Variants in PPP1R12B observed in about 807,000 individuals in gnomAD.
PPP1R12B encodes the protein myosin phosphatase target subunit 2.
A neutral mutation model predicts 126.1 loss-of-function variants in PPP1R12B; 76 were observed. That is an observed-to-expected ratio of 0.60 (90% CI 0.50 to 0.73). The LOEUF (loss-of-function observed/expected upper bound fraction) is 0.73, where lower values mean the gene tolerates loss of function less well. PPP1R12B is among the 30% of genes least tolerant of loss of function. PPP1R12B has a pLI of 0.00. For synonymous variants in PPP1R12B, 356 were observed against 434.7 expected (o/e 0.82, Z 2.25); for missense variants, 1,052 against 1,205.1 (o/e 0.87, Z 1.88).
chr1:202,422,978 C>A (rs1669005107), intron 3 of PPP1R12B, among the ~76,000 whole-genome samples: 1 of 152,100 alleles, frequency 6.6e-6, no homozygotes, highest in Non-Finnish European at 1.5e-5. Context: ...AGGTTGCATA[C>A]CCATCATACA....
chr1:202,465,847 T>G (rs1212275684), intron 13 of PPP1R12B, among the ~76,000 whole-genome samples: 2 of 152,212 alleles, frequency 1.3e-5, no homozygotes, highest in Non-Finnish European at 2.9e-5. Context: ...CTTGCGCACT[T>G]GTGCTGAAAA....
chr1:202,550,565 G>GT (rs935558320), intron 18 of PPP1R12B, among the ~76,000 whole-genome samples: 9 of 151,620 alleles, frequency 5.9e-5, no homozygotes, highest in Non-Finnish European at 7.4e-5. Context: ...TTGAGGCTGT[G>GT]TTTTTTTTTA....
chr1:202,476,444 G>A (rs1676679115), intron 13 of PPP1R12B, among the ~76,000 whole-genome samples: 2 of 151,628 alleles, frequency 1.3e-5, no homozygotes, highest in Admixed American at 6.6e-5. Context: ...ATCACTTTGG[G>A]AGGCTGAGGC....
At chr1:202,496,669 C>T in intron 17 of PPP1R12B, 112 bp from the exon 18 acceptor site, 1 of 907,420 alleles carries the variant, frequency 1.1e-6, no homozygotes, top group Non-Finnish European at 1.7e-6. Flanking sequence ...AGTCAATTCT[C>T]ATTGCCCATG....
rs1004645170 is a variant in PPP1R12B, at chr1:202,569,076, C to T, written c.2812-71C>T. ...GACCGTGAATCTGCTGATCACACAG[C>T]AGCTGGGAGGCAGCATTTTTACTCC... On this transcript the variant is annotated intron_variant, in intron 22 of 23. Coordinates refer to ENST00000608999, the MANE Select transcript of PPP1R12B (RefSeq NM_002481.4). 44 of 1,511,794 alleles carry T rather than the reference C, an allele frequency of 2.9e-5. 1 individual carries two copies. Among genetic ancestry groups the T allele is most frequent in the Non-Finnish European group, 3.8e-5 (41 of 1,088,786 alleles). 93.6% of individuals were successfully genotyped at this position (1,511,794 alleles called of 1,614,324 possible).
At chr1:202,434,238 C>T (rs111941566) in intron 8 of PPP1R12B, among the ~76,000 whole-genome samples, 85 of 152,284 alleles carry the variant, frequency 5.6e-4, no homozygotes, top group African/African-American at 1.9e-3. Flanking sequence ...GGTTTCATAG[C>T]TGGCAAGTGG....
At chr1:202,472,558 A>C (rs1277416363) in intron 13 of PPP1R12B, among the ~76,000 whole-genome samples, 1 of 152,236 alleles carries the variant, frequency 6.6e-6, no homozygotes, top group Non-Finnish European at 1.5e-5. Context: ...CTATGTAAGT[A>C]AAAACATTGT....
chr1:202,429,695 T>G (rs191310100), intron 6 of PPP1R12B, among the ~76,000 whole-genome samples: 93 of 152,302 alleles, frequency 6.1e-4, no homozygotes, highest in African/African-American at 2.2e-3. Flanking sequence ...GGTGGGACAT[T>G]AGGGGCCAAA....
rs764201932 is a variant in PPP1R12B, at chr1:202,430,786, A to G, written c.977A>G (p.Lys326Arg). The G allele has an allele frequency of 1.4e-5, 22 of 1,613,224 alleles. No individual in the cohort carries two copies. Among genetic ancestry groups the G allele is most frequent in the Non-Finnish European group, 1.6e-5 (19 of 1,179,380 alleles). The change falls in exon 7 of 24, where the codon AAG becomes AGG. Residue 326 changes from lysine to arginine, a missense_variant. By Grantham distance (26) the Lys-to-Arg change is conservative. Coordinates refer to ENST00000608999, the MANE Select transcript of PPP1R12B (RefSeq NM_002481.4). ...NKLIESDLNS[K>R]IQSGFFKNKE... ...CTCATTGAGTCAGATCTGAACAGCA[A>G]GATTCAGAGTGGGTTCTTTAAGAAG...
intron 1 of PPP1R12B, among the ~76,000 whole-genome samples, chr1:202,384,127 G>A (rs1158819915): frequency 1.3e-5 from 2 of 152,188 alleles, no homozygotes; most frequent in Non-Finnish European, 2.9e-5. Flanking sequence ...AACCACTTTG[G>A]TACACAGTCT....
Position 202,585,540 on chromosome 1 carries a change from A to G in PPP1R12B, c.*4980A>G, listed in dbSNP as rs1238954200. The G allele has an allele frequency of 6.6e-6, 1 of 152,226 alleles. No individual in the cohort carries two copies. The highest frequency in any genetic ancestry group is 1.5e-5 in the Non-Finnish European group (1 of 68,042). The allele number at this position is 152,226 out of a possible 1,614,324, so 9.4% of individuals were successfully genotyped here. ...TTTATGTGCCCTTTCCTTTTGGCTT[A>G]AAATTCTGTGATTTATTCATTCTTA... On this transcript the variant is annotated 3_prime_UTR_variant, in exon 24 of 24. Transcript: ENST00000608999.
In PPP1R12B at chr1:202,495,409, A is replaced by T; in HGVS notation, c.2262A>T (p.Arg754Ser). The T allele has an allele frequency of 6.2e-7, 1 of 1,611,778 alleles. No homozygotes were observed. The highest frequency in any genetic ancestry group is 1.1e-5 in the South Asian group (1 of 90,744). Residue 754 changes from arginine to serine, a missense_variant, in exon 16 of 24, where the codon AGA becomes AGT. Arg to Ser is a moderately radical substitution (Grantham distance 110). Transcript: ENST00000608999. Reference protein sequence around the residue: ...YTSSHLLWTNRFSVPDSESSE... With the variant: ...YTSSHLLWTNSFSVPDSESSE... ...GTTCCCACCTGCTATGGACAAATAGATTTTCAGTCCCTGATTCTGAGAGTT... is the reference window on the plus strand; with the variant it reads ...GTTCCCACCTGCTATGGACAAATAGTTTTTCAGTCCCTGATTCTGAGAGTT...
In PPP1R12B at chr1:202,349,108, C is replaced by T. The variant is rs754347308; in HGVS notation, c.257C>T (p.Thr86Met). ...CTGGCAAGAGGTGCTGATATCAACA[C>T]GGTCAACGTGGACGGCTTGACAGCC... ...KLLARGADIN[T>M]VNVDGLTALH... The change falls in exon 1 of 24, where the codon ACG becomes ATG. Residue 86 changes from threonine to methionine, a missense_variant. Coordinates refer to ENST00000608999, the MANE Select transcript of PPP1R12B (RefSeq NM_002481.4). 1 of 1,614,122 alleles carries T rather than the reference C, an allele frequency of 6.2e-7. No homozygotes were observed. The highest frequency in any genetic ancestry group is 8.5e-7 in the Non-Finnish European group (1 of 1,180,046).
At chr1:202,447,702 A>G (rs185094405) in intron 12 of PPP1R12B, among the ~76,000 whole-genome samples, 1 of 152,366 alleles carries the variant, frequency 6.6e-6, no homozygotes, top group African/African-American at 2.4e-5. Context: ...TTGGCATTTC[A>G]AAAGCATAAG....
chr1:202,511,968 G>A (rs1681575029), intron 18 of PPP1R12B, among the ~76,000 whole-genome samples: 1 of 152,048 alleles, frequency 6.6e-6, no homozygotes, highest in East Asian at 1.9e-4. Context: ...ATGTCAAGTA[G>A]ACAGTTGTCA....
At chr1:202,515,296 GTGTT>G (rs76162780) in intron 18 of PPP1R12B, among the ~76,000 whole-genome samples, 65,490 of 151,500 alleles carry the variant, frequency 0.43, 15,436 homozygotes, top group East Asian at 0.7. Context: ...TAAAATAAAA[GTGTT>G]TGTTTGTTTT....
chr1:202,450,594 T>C (rs1176110510), intron 13 of PPP1R12B, among the ~76,000 whole-genome samples: 1 of 152,224 alleles, frequency 6.6e-6, no homozygotes, highest in Admixed American at 6.5e-5. Flanking sequence ...GAAGGAGCTT[T>C]TATATTTGTG....
chr1:202,526,540 G>A (rs1169027309), intron 18 of PPP1R12B, among the ~76,000 whole-genome samples: 1 of 152,030 alleles, frequency 6.6e-6, no homozygotes, highest in Non-Finnish European at 1.5e-5. Flanking sequence ...TTATAGTTTT[G>A]CCAAGCACTA....
At chr1:202,360,818 G>A (rs1285935328) in intron 1 of PPP1R12B, among the ~76,000 whole-genome samples, 1 of 151,636 alleles carries the variant, frequency 6.6e-6, no homozygotes, top group African/African-American at 2.4e-5. Context: ...AGTACCCTTC[G>A]TATGTAAATA....
Sources: allele counts gnomAD v4.1 joint callset (sites outside exome capture counted in the v4.1 genomes callset), GRCh38; gene constraint gnomAD v4.1.1; transcripts MANE v1.5; gene names NCBI Gene and HGNC (gene_info 2026-07-23, HGNC 2026-07-21).